ANK3: variants seen among roughly 807,000 people sequenced by gnomAD.
The protein encoded by ANK3 is ankyrin-3.
ANK3 carries 57 observed loss-of-function variants against 370.9 expected under a neutral mutation model. That is an observed-to-expected ratio of 0.15 (90% CI 0.12 to 0.19). ANK3 has a LOEUF of 0.19. ANK3 is among the 10% of genes least tolerant of loss of function. ANK3 has a pLI of 1.00. For synonymous variants in ANK3, 1,929 were observed against 1,946.3 expected, an observed-to-expected ratio of 0.99 and a Z score of 0.23; for missense variants, 4,439 against 5,302.1, an observed-to-expected ratio of 0.84 and a Z score of 5.06.
chr10:60,657,952 A>G (rs537293754), intron 1 of ANK3, among the ~76,000 whole-genome samples: 2 of 150,644 alleles, frequency 1.3e-5, no homozygotes, highest in South Asian at 4.2e-4. Context: ...TGACTGTTTC[A>G]TTATTATATG....
intron 1 of ANK3, among the ~76,000 whole-genome samples, chr10:60,730,314 T>C (rs921526939): frequency 2.6e-5 from 4 of 152,054 alleles, no homozygotes; most frequent in African/African-American, 9.7e-5. Context: ...CTTGCCCCCA[T>C]GCCCTACTAA....
intron 18 of ANK3, among the ~76,000 whole-genome samples, chr10:60,177,342 C>T (rs1360017698): frequency 6.6e-6 from 1 of 152,198 alleles, no homozygotes; most frequent in African/African-American, 2.4e-5. Context: ...GTCCAGCCAT[C>T]CTTTCTGTGT....
intron 1 of ANK3, among the ~76,000 whole-genome samples, chr10:60,730,072 G>T (rs1323456984): frequency 6.6e-6 from 1 of 152,138 alleles, no homozygotes; most frequent in African/African-American, 2.4e-5. Flanking sequence ...TTTTGGAAAT[G>T]TTACCACATT....
chr10:60,575,870 C>T (rs149029951), intron 2 of ANK3, among the ~76,000 whole-genome samples: 3 of 152,250 alleles, frequency 2.0e-5, no homozygotes, highest in Non-Finnish European at 4.4e-5. Flanking sequence ...TTTCTCTACA[C>T]CTCTACTCTA....
Position 60,059,761 on chromosome 10 carries a change from G to T in ANK3, c.12596-331C>A, listed in dbSNP as rs1296087808. ...ACTGCTTCAGGCATTTCTGTTAAAGGCACTGAGTCTTCCAGTTTGCTGTCT... is the reference window on the plus strand; with the variant it reads ...ACTGCTTCAGGCATTTCTGTTAAAGTCACTGAGTCTTCCAGTTTGCTGTCT... On this transcript the variant is annotated intron_variant, in intron 40 of 43. Transcript: ENST00000280772. The T allele has an allele frequency of 1.9e-6, 3 of 1,614,112 alleles. No individual in the cohort carries two copies. In the African/African-American group the frequency reaches 4.0e-5, roughly 22 times the overall value.
At chr10:60,235,279 A>G (rs774402641) in intron 7 of ANK3, among the ~76,000 whole-genome samples, 55 of 152,174 alleles carry the variant, frequency 3.6e-4, no homozygotes, top group Non-Finnish European at 5.1e-4. Flanking sequence ...TTACTTCTAT[A>G]CATAGTCACA....
chr10:60,660,426 G>A (rs2078921164), intron 1 of ANK3, among the ~76,000 whole-genome samples: 1 of 152,078 alleles, frequency 6.6e-6, no homozygotes, highest in Non-Finnish European at 1.5e-5. Context: ...CATAATTATT[G>A]TTGCAACAGT....
intron 2 of ANK3, among the ~76,000 whole-genome samples, chr10:60,589,114 T>C (rs913981913): frequency 2.0e-5 from 3 of 152,172 alleles, no homozygotes; most frequent in Admixed American, 2.0e-4. Flanking sequence ...TTAAGATTCT[T>C]AAATTGTTAG....
intron 2 of ANK3, among the ~76,000 whole-genome samples, chr10:60,531,403 A>T (rs1331370009): frequency 6.6e-6 from 1 of 152,122 alleles, no homozygotes; most frequent in East Asian, 1.9e-4. Flanking sequence ...GTAAACATAA[A>T]TATCTCTGGA....
intron 1 of ANK3, among the ~76,000 whole-genome samples, chr10:60,351,033 C>CT (rs2056756066): frequency 1.4e-5 from 1 of 73,906 alleles, no homozygotes; most frequent in Non-Finnish European, 3.8e-5. Flanking sequence ...TATATTTCCT[C>CT]ATTTTTTTAA....
intron 28 of ANK3, among the ~76,000 whole-genome samples, chr10:60,104,681 C>G (rs1271828134): frequency 2.0e-5 from 3 of 152,150 alleles, no homozygotes; most frequent in African/African-American, 7.2e-5. Flanking sequence ...TCTCCCTCTA[C>G]CTTGCTGTAA....
At chr10:60,530,062 C>T (rs2076568633) in intron 2 of ANK3, among the ~76,000 whole-genome samples, 1 of 152,164 alleles carries the variant, frequency 6.6e-6, no homozygotes, top group East Asian at 1.9e-4. Flanking sequence ...TGGCCTGACC[C>T]CTTGCAGCCA....
Position 60,528,134 on chromosome 10 carries a change from C to CTTTTTTTTTTTTTT in ANK3, c.96+87051_96+87052insAAAAAAAAAAAAAA, listed in dbSNP as rs35837089. ...TTTTTTCTTTTTTTCTTTTCTTCTT[C>CTTTTTTTTTTTTTT]TTCTTTTTTTTTTTTTTTTGAGACA... is the stretch of plus-strand genomic sequence containing the variant. On this transcript the variant is annotated intron_variant, in intron 2 of 43. Transcript: ENST00000373827. Among the ~76,000 whole-genome samples, 5 of 124,264 alleles carry CTTTTTTTTTTTTTT rather than the reference C, an allele frequency of 4.0e-5. 1 individual carries two copies. Among genetic ancestry groups the CTTTTTTTTTTTTTT allele is most frequent in the African/African-American group, 2.9e-5 (1 of 34,664 alleles). The allele number at this position is 124,264 out of a possible 152,430, so 81.5% of individuals were successfully genotyped here.
At chr10:60,446,510 A>T (rs2064450478) in intron 2 of ANK3, among the ~76,000 whole-genome samples, 1 of 152,116 alleles carries the variant, frequency 6.6e-6, no homozygotes, top group African/African-American at 2.4e-5. Context: ...AGGTTTGGAG[A>T]CTTTCTGGTG....
intron 1 of ANK3, among the ~76,000 whole-genome samples, chr10:60,329,141 A>G (rs1052474506): frequency 2.6e-5 from 4 of 152,242 alleles, no homozygotes; most frequent in African/African-American, 9.6e-5. Flanking sequence ...TATCAAACTA[A>G]TAAGAGCTAT....
At chr10:60,141,198 G>A (rs1011547159) in intron 23 of ANK3, among the ~76,000 whole-genome samples, 2 of 152,288 alleles carry the variant, frequency 1.3e-5, no homozygotes, top group South Asian at 4.1e-4. Flanking sequence ...TTTTTATCAG[G>A]AGTTTGAAGA....
chr10:60,166,985 G>C lies in ANK3; in HGVS notation c.2479-89C>G, dbSNP rs1591136139. On this transcript the variant is annotated intron_variant, in intron 21 of 43. Transcript: ENST00000280772. ...TTATCTCTGAATTAATCAGTTTCTT[G>C]TGGAATGTATGTGTTGAATATCTTG... 3.1e-5 allele frequency: 34 copies of C among 1,095,166 alleles called. No homozygotes were observed. In the South Asian group the frequency reaches 4.2e-4, roughly 13 times the overall value. The allele number at this position is 1,095,166 out of a possible 1,614,324, so 67.8% of individuals were successfully genotyped here. A position where few individuals can be genotyped will look rare whatever the true frequency, so the allele number is the denominator to read the frequency against.
intron 1 of ANK3, among the ~76,000 whole-genome samples, chr10:60,720,059 G>A (rs74157810): frequency 0.018 from 2,722 of 152,284 alleles, 75 homozygotes; most frequent in African/African-American, 0.062. Context: ...AAGAGGATGA[G>A]AGAAGAGGAG....
intron 2 of ANK3, among the ~76,000 whole-genome samples, chr10:60,582,324 G>T (rs2077766644): frequency 6.6e-6 from 1 of 152,118 alleles, no homozygotes; most frequent in Non-Finnish European, 1.5e-5. Flanking sequence ...AAGTGACCTT[G>T]AGGCAGTACA....
Sources: gnomAD v4.1 joint callset for allele counts (sites outside exome capture counted in the v4.1 genomes callset) on GRCh38, gnomAD v4.1.1 for gene constraint, MANE v1.5 for transcripts, NCBI Gene and HGNC (gene_info 2026-07-23, HGNC 2026-07-21) for gene names.